The following LRRC58 variants were observed in gnomAD, a reference collection of about 807,000 sequenced individuals.
LRRC58 encodes the protein leucine rich repeat containing 58, also known as leucine-rich repeat-containing protein 58.
In LRRC58, 18 loss-of-function variants were observed where a neutral mutation model predicts 30.6. That is an observed-to-expected ratio of 0.59 (90% CI 0.41 to 0.87). The LOEUF is 0.87. Ranked by LOEUF, LRRC58 falls within the 40% of genes least tolerant of loss-of-function variation. The pLI, the probability that LRRC58 is intolerant of heterozygous loss-of-function variation, is 0.00. For missense variants in LRRC58, 420 were observed against 468.4 expected (o/e 0.90, Z 0.95); for synonymous variants, 221 against 206.0 (o/e 1.07, Z -0.62).
At chr3:120,347,559 T>A (rs1381009215) in intron 1 of LRRC58, among the ~76,000 whole-genome samples, 1 of 149,576 alleles carries the variant, frequency 6.7e-6, no homozygotes, top group Non-Finnish European at 1.5e-5. Flanking sequence ...GCCCGGCTAA[T>A]TTTTTGTATT....
Position 120,330,915 on chromosome 3 carries a change from G to C in LRRC58, c.*285C>G. The C allele has an allele frequency of 2.5e-6, 1 of 401,188 alleles. No homozygotes were observed. Among genetic ancestry groups the C allele is most frequent in the Non-Finnish European group, 4.6e-6 (1 of 215,414 alleles). 24.9% of individuals were successfully genotyped at this position (401,188 alleles called of 1,614,324 possible). A position where few individuals can be genotyped will look rare whatever the true frequency, so the allele number is the denominator to read the frequency against. Reference sequence around the variant, plus strand: ...CTTATTGCAGAACTGCTCTTCAAAAGGTACCATTCTGCTTTGTGATTCATG... The same window carrying C: ...CTTATTGCAGAACTGCTCTTCAAAACGTACCATTCTGCTTTGTGATTCATG... On this transcript the variant is annotated 3_prime_UTR_variant, in exon 4 of 4. Transcript: ENST00000295628.
chr3:120,334,215 A>G (rs1196026082), intron 3 of LRRC58, among the ~76,000 whole-genome samples: 3 of 152,274 alleles, frequency 2.0e-5, no homozygotes, highest in Non-Finnish European at 4.4e-5. Context: ...AAATAAATAT[A>G]AAAGGTGGGC....
At chr3:120,334,330 C>T (rs1935803455) in intron 3 of LRRC58, among the ~76,000 whole-genome samples, 1 of 139,422 alleles carries the variant, frequency 7.2e-6, no homozygotes, top group Non-Finnish European at 1.7e-5. Flanking sequence ...AGGTGAAACC[C>T]CGTCTCTACT....
chr3:120,348,132 G>A (rs1935998187), intron 1 of LRRC58, among the ~76,000 whole-genome samples: 1 of 152,172 alleles, frequency 6.6e-6, no homozygotes, highest in South Asian at 2.1e-4. Flanking sequence ...AAGGATGATA[G>A]GCGTTTGCCA....
intron 1 of LRRC58, among the ~76,000 whole-genome samples, chr3:120,347,698 G>A (rs1218212911): frequency 1.3e-5 from 2 of 151,950 alleles, no homozygotes; most frequent in Non-Finnish European, 2.9e-5. Context: ...GCCTTCCCAG[G>A]CCAATATTCT....
intron 1 of LRRC58, among the ~76,000 whole-genome samples, chr3:120,338,388 C>G (rs1935861828): frequency 6.6e-6 from 1 of 152,170 alleles, no homozygotes; most frequent in African/African-American, 2.4e-5. Flanking sequence ...GTGCCAGGCA[C>G]CATTCTAGGG....
rs1935660118 is a variant in LRRC58, at chr3:120,325,421, G to A, written c.*5779C>T. ...TCCACCATAGGTTTGTGGTATGACA[G>A]TATATAAATAACCTTCATTAAACTA... On this transcript the variant is annotated 3_prime_UTR_variant, in exon 4 of 4. Coordinates refer to ENST00000295628, the MANE Select transcript of LRRC58 (RefSeq NM_001099678.2). 6.6e-6 allele frequency: 1 copy of A among 152,178 alleles called. No individual in the cohort carries two copies. The highest frequency in any genetic ancestry group is 2.4e-5 in the African/African-American group (1 of 41,438). 9.4% of individuals were successfully genotyped at this position (152,178 alleles called of 1,614,324 possible). A position where few individuals can be genotyped will look rare whatever the true frequency, so the allele number is the denominator to read the frequency against.
rs1376832051 is a variant in LRRC58, at chr3:120,335,874, A to C, written c.580T>G (p.Leu194Val). 1 of 1,608,440 alleles carries C rather than the reference A, an allele frequency of 6.2e-7. No individual in the cohort carries two copies. The highest frequency in any genetic ancestry group is 8.5e-7 in the Non-Finnish European group (1 of 1,175,224). Residue 194 changes from leucine to valine, a missense_variant, in exon 2 of 4, where the codon TTG becomes GTG. Leu to Val is a conservative substitution (Grantham distance 32, BLOSUM62 1). Around this residue, in one of 2 missense-constraint regions of LRRC58, gnomAD observed 154 missense variants for 216.8 expected, o/e 0.71. Transcript: ENST00000295628. ...TGGATTTTGTTGTCACATAATACCA[A>C]ATAATTCAGAGAAGGCAGATTTCCT... ...ELGNLPSLNYLVLCDNKIQSI... is the reference protein window; with the variant it reads ...ELGNLPSLNYVVLCDNKIQSI...
Position 120,331,539 on chromosome 3 carries a change from C to T in LRRC58, c.908-131G>A, listed in dbSNP as rs965356476. 4.1e-6 allele frequency: 3 copies of T among 726,020 alleles called. No homozygotes were observed. In the African/African-American group the frequency reaches 5.3e-5, roughly 13 times the overall value. 45.0% of individuals were successfully genotyped at this position (726,020 alleles called of 1,614,324 possible). On this transcript the variant is annotated intron_variant, in intron 3 of 3. Transcript: ENST00000295628. ...TTATGAATCTTAAGCAGAAGTAGTA[C>T]TTGCTTGTATAGCTGTCTATAAGCC...
At chr3:120,345,333 C>T (rs766387812) in intron 1 of LRRC58, among the ~76,000 whole-genome samples, 1 of 152,092 alleles carries the variant, frequency 6.6e-6, no homozygotes, top group Non-Finnish European at 1.5e-5. Flanking sequence ...GGACACATAT[C>T]TTCTTAATGT....
intron 1 of LRRC58, among the ~76,000 whole-genome samples, chr3:120,342,055 AGG>A (rs1935910790): frequency 6.6e-6 from 1 of 151,882 alleles, no homozygotes; most frequent in Admixed American, 6.6e-5. Context: ...TGCAGGCTCG[AGG>A]GTGTCTTCTC....
rs1466277929 is a variant in LRRC58, at chr3:120,327,748, T to A, written c.*3452A>T. The A allele has an allele frequency of 1.4e-5, 2 of 143,364 alleles. No individual in the cohort carries two copies. Among genetic ancestry groups the A allele is most frequent in the Non-Finnish European group, 3.0e-5 (2 of 67,194 alleles). 8.9% of individuals were successfully genotyped at this position (143,364 alleles called of 1,614,324 possible). ...TTTACAATGCAAATTTTTTTGTTTG[T>A]TTTTTGTTTGTTTGTTTGAGACACA... is the stretch of plus-strand genomic sequence containing the variant. On this transcript the variant is annotated 3_prime_UTR_variant, in exon 4 of 4. Coordinates refer to ENST00000295628, the MANE Select transcript of LRRC58 (RefSeq NM_001099678.2).
intron 1 of LRRC58, among the ~76,000 whole-genome samples, chr3:120,347,379 C>CTGTT (rs1935982439): frequency 1.8e-5 from 1 of 54,828 alleles, no homozygotes; most frequent in Admixed American, 2.5e-4. Flanking sequence ...GGCCAATATT[C>CTGTT]TTTTTTTTTT....
Position 120,329,176 on chromosome 3 carries a change from C to T in LRRC58, c.*2024G>A, listed in dbSNP as rs1935721287. On this transcript the variant is annotated 3_prime_UTR_variant, in exon 4 of 4. Coordinates refer to ENST00000295628, the MANE Select transcript of LRRC58 (RefSeq NM_001099678.2). ...TTAGGCCAGAAAAAATTGGTCCTAT[C>T]AATTTGAGTATTTTACTATGAATAC... The T allele has an allele frequency of 6.6e-6, 1 of 152,100 alleles. No individual in the cohort carries two copies. Among genetic ancestry groups the T allele is most frequent in the African/African-American group, 2.4e-5 (1 of 41,428 alleles). The allele number at this position is 152,100 out of a possible 1,614,324, so 9.4% of individuals were successfully genotyped here.
chr3:120,345,341 T>C (rs1184756565), intron 1 of LRRC58, among the ~76,000 whole-genome samples: 1 of 152,204 alleles, frequency 6.6e-6, no homozygotes, highest in East Asian at 1.9e-4. Flanking sequence ...ATCTTCTTAA[T>C]GTGCCAAAAC....
chr3:120,331,155 T>C lies in LRRC58; in HGVS notation c.*45A>G. 6.5e-7 allele frequency: 1 copy of C among 1,534,230 alleles called. No homozygotes were observed. On this transcript the variant is annotated 3_prime_UTR_variant, in exon 4 of 4. Coordinates refer to ENST00000295628, the MANE Select transcript of LRRC58 (RefSeq NM_001099678.2). ...CAAGCTCTATTTTCTTGTCTAACCA[T>C]TTTGCTCAGTTTTTTAAGTATTTCA...
intron 1 of LRRC58, among the ~76,000 whole-genome samples, 188 bp from the exon 2 acceptor site, chr3:120,336,141 C>T (rs1233733271): frequency 3.9e-5 from 6 of 151,938 alleles, no homozygotes; most frequent in Non-Finnish European, 7.4e-5. Flanking sequence ...GCTAAGCAGA[C>T]GAGACAGACC....
rs546219947 is a variant in LRRC58, at chr3:120,347,470, C to A, written c.500+1274G>T. 9.9e-5 allele frequency among the ~76,000 whole-genome samples: 14 copies of A among 141,952 alleles called. No homozygotes were observed. In the South Asian group the frequency reaches 1.4e-3, roughly 14 times the overall value. The allele number at this position is 141,952 out of a possible 152,430, so 93.1% of individuals were successfully genotyped here. ...GCAGTGGCGCAATCTCGGCTCACTG[C>A]AAGCTCCGCTTCCCGGGTTCACGCC... On this transcript the variant is annotated intron_variant, in intron 1 of 3. Transcript: ENST00000295628.
In LRRC58 at chr3:120,347,379, C is replaced by CTTTTTTTTTTTTTTTTTTTTTTTTTTT. The variant is rs796116731; in HGVS notation, c.500+1364_500+1365insAAAAAAAAAAAAAAAAAAAAAAAAAAA. Among the ~76,000 whole-genome samples, 25 of 54,850 alleles carry CTTTTTTTTTTTTTTTTTTTTTTTTTTT rather than the reference C, an allele frequency of 4.6e-4. 7 individuals are homozygous for CTTTTTTTTTTTTTTTTTTTTTTTTTTT. The highest frequency in any genetic ancestry group is 1.4e-3 in the East Asian group (2 of 1,428). The allele number at this position is 54,850 out of a possible 152,430, so 36.0% of individuals were successfully genotyped here. ...AGTTCTTTTTTCCCAGGCCAATATTCTTTTTTTTTTTTTTTTTTTTTTTGA... is the reference window on the plus strand; with the variant it reads ...AGTTCTTTTTTCCCAGGCCAATATTCTTTTTTTTTTTTTTTTTTTTTTTTTTTTTTTTTTTTTTTTTTTTTTTTTTGA... On this transcript the variant is annotated intron_variant, in intron 1 of 3. Coordinates refer to ENST00000295628, the MANE Select transcript of LRRC58 (RefSeq NM_001099678.2).
Sources: gnomAD v4.1 joint callset for allele counts (sites outside exome capture counted in the v4.1 genomes callset) on GRCh38, gnomAD v4.1.1 for gene constraint, gnomAD v4.1.1 regional missense constraint, MANE v1.5 for transcripts, NCBI Gene and HGNC (gene_info 2026-07-23, HGNC 2026-07-21) for gene names.